The following MARCHF8 variants were observed in gnomAD, a reference collection of about 807,000 sequenced individuals.
The protein encoded by MARCHF8 is E3 ubiquitin-protein ligase MARCHF8.
In MARCHF8, 40 loss-of-function variants were observed where a neutral mutation model predicts 51.6. That is an observed-to-expected ratio of 0.77 (90% confidence interval 0.60 to 1.01). MARCHF8 has a LOEUF of 1.01. MARCHF8 is among the 50% of genes least tolerant of loss of function. MARCHF8 has a pLI of 0.00. For missense variants in MARCHF8, 685 were observed against 708.6 expected (o/e 0.97, Z 0.38); for synonymous variants, 263 against 280.3 (o/e 0.94, Z 0.62).
chr10:45,547,371 A>C (rs1384724055), intron 1 of MARCHF8, among the ~76,000 whole-genome samples: 2 of 152,156 alleles, frequency 1.3e-5, no homozygotes, highest in Admixed American at 1.3e-4. Flanking sequence ...TAGAGAAATT[A>C]ATCAACTTGC....
At position 45,464,244 on chromosome 10, in the gene MARCHF8, G is replaced by C; in HGVS notation, c.237C>G (p.Ile79Met). 1.2e-6 allele frequency: 2 copies of C among 1,614,092 alleles called. No homozygotes were observed. Among genetic ancestry groups the C allele is most frequent in the Non-Finnish European group, 1.7e-6 (2 of 1,179,938 alleles). Residue 79 changes from isoleucine to methionine, a missense_variant, in exon 4 of 8, where the codon ATC becomes ATG. Coordinates refer to ENST00000453424, the MANE Select transcript of MARCHF8 (RefSeq NM_001282866.2). ...RTSITPSSQDICSSSAVFSEC... is the reference protein window; with the variant it reads ...RTSITPSSQDMCSSSAVFSEC... The stretch of plus-strand genomic sequence containing the variant: ...CATCTGAAGCAGAGTGTTACCTGCA[G>C]ATGTCCTGGCTGGATGGCGTGATAG...
chr10:45,559,586 C>T (rs1027654716), intron 1 of MARCHF8, among the ~76,000 whole-genome samples: 2 of 152,168 alleles, frequency 1.3e-5, no homozygotes, highest in Non-Finnish European at 2.9e-5. Context: ...AATTCATACA[C>T]ATAAGAATTT....
At chr10:45,511,544 A>C (rs2043504974) in intron 2 of MARCHF8, among the ~76,000 whole-genome samples, 1 of 152,214 alleles carries the variant, frequency 6.6e-6, no homozygotes, top group South Asian at 2.1e-4. Flanking sequence ...AGTGCCTGCG[A>C]TTACAGGCGC....
chr10:45,462,907 T>A (rs1474518723), intron 5 of MARCHF8, among the ~76,000 whole-genome samples: 1 of 152,210 alleles, frequency 6.6e-6, no homozygotes, highest in African/African-American at 2.4e-5. Flanking sequence ...ATTACAGGCG[T>A]GAGCCACTGC....
intron 1 of MARCHF8, among the ~76,000 whole-genome samples, chr10:45,547,234 T>C (rs998601394): frequency 9.9e-5 from 15 of 152,162 alleles, no homozygotes; most frequent in African/African-American, 3.6e-4. Flanking sequence ...TGCCTGTCAA[T>C]AATAATGGAG....
chr10:45,591,028 G>A (rs1259856211), intron 1 of MARCHF8, among the ~76,000 whole-genome samples: 1 of 152,132 alleles, frequency 6.6e-6, no homozygotes, highest in Non-Finnish European at 1.5e-5. Context: ...AAGGTTCTTT[G>A]TAATTCTCCC....
upstream of MARCHF8, among the ~76,000 whole-genome samples, chr10:45,539,191 A>G (rs2044016665): frequency 6.6e-6 from 1 of 152,230 alleles, no homozygotes; most frequent in African/African-American, 2.4e-5. Context: ...ACTACATGGA[A>G]ACTGAACAAC....
intron 1 of MARCHF8, among the ~76,000 whole-genome samples, chr10:45,587,648 A>T (rs944077017): frequency 6.6e-6 from 1 of 152,188 alleles, no homozygotes; most frequent in East Asian, 1.9e-4. Context: ...AATAAGGAAC[A>T]AAGTTGGAGG....
At chr10:45,496,630 G>A (rs1206131226) in intron 2 of MARCHF8, among the ~76,000 whole-genome samples, 1 of 151,954 alleles carries the variant, frequency 6.6e-6, no homozygotes, top group Non-Finnish European at 1.5e-5. Context: ...ACTAATAACT[G>A]CTACAATGTA....
rs183824522 is a variant in MARCHF8, at chr10:45,561,183, T to C, written c.-78-27894A>G. ...CACAATAAAAAAATTACTATATACATAGAGAAGTAAATATGAGTGAGAGCA... is the reference window on the plus strand; with the variant it reads ...CACAATAAAAAAATTACTATATACACAGAGAAGTAAATATGAGTGAGAGCA... On this transcript the variant is annotated intron_variant, in intron 1 of 6. Coordinates refer to the MARCHF8 transcript ENST00000319836. Among the ~76,000 whole-genome samples, 261 of 151,586 alleles carry C rather than the reference T, an allele frequency of 1.7e-3. 1 individual carries two copies. Among genetic ancestry groups the C allele is most frequent in the African/African-American group, 4.7e-3 (193 of 41,382 alleles).
exon 1 of MARCHF8, chr10:45,594,334 T>G (rs2044712778): frequency 6.6e-6 from 1 of 152,262 alleles, no homozygotes; most frequent in South Asian, 2.1e-4. Flanking sequence ...GCTTCCATTT[T>G]ACAGATGTGC....
At chr10:45,462,923 G>A (rs1842839594) in intron 5 of MARCHF8, among the ~76,000 whole-genome samples, 1 of 152,190 alleles carries the variant, frequency 6.6e-6, no homozygotes, top group South Asian at 2.1e-4. Flanking sequence ...ACTGCGCCCA[G>A]CCAGCTTCTT....
chr10:45,578,865 C>T, intron 1 of MARCHF8, among the ~76,000 whole-genome samples: 1 of 152,202 alleles, frequency 6.6e-6, no homozygotes, highest in Non-Finnish European at 1.5e-5. Context: ...AATAACTGAT[C>T]TGTACTCTTC....
chr10:45,524,747 G>T (rs1026021280), intron 2 of MARCHF8, among the ~76,000 whole-genome samples: 3 of 152,082 alleles, frequency 2.0e-5, no homozygotes, highest in Non-Finnish European at 4.4e-5. Flanking sequence ...AAGTAAAAGT[G>T]TCAGTAAGAG....
At chr10:45,560,575 C>T (rs939638124) in intron 1 of MARCHF8, among the ~76,000 whole-genome samples, 1 of 152,214 alleles carries the variant, frequency 6.6e-6, no homozygotes, top group African/African-American at 2.4e-5. Flanking sequence ...CAGCTGCTGA[C>T]TCTTTACAGC....
intron 1 of MARCHF8, among the ~76,000 whole-genome samples, chr10:45,549,312 T>C (rs1425645316): frequency 1.3e-5 from 2 of 152,192 alleles, no homozygotes; most frequent in Admixed American, 1.3e-4. Flanking sequence ...CCCAAAACTT[T>C]GTTGCTTGAA....
intron 1 of MARCHF8, among the ~76,000 whole-genome samples, chr10:45,577,456 T>C (rs934847233): frequency 6.6e-6 from 1 of 152,214 alleles, no homozygotes; most frequent in Non-Finnish European, 1.5e-5. Context: ...ATTGCATGCC[T>C]GTATCAAAAT....
intron 6 of MARCHF8, among the ~76,000 whole-genome samples, chr10:45,460,035 G>C (rs973632947): frequency 1.3e-5 from 2 of 152,194 alleles, no homozygotes; most frequent in African/African-American, 2.4e-5. Flanking sequence ...CCCATGTTGA[G>C]AGATTAGCAT....
intron 3 of MARCHF8, among the ~76,000 whole-genome samples, chr10:45,475,243 G>A (rs1171794545): frequency 6.6e-6 from 1 of 152,226 alleles, no homozygotes; most frequent in Admixed American, 6.5e-5. Flanking sequence ...AGCAAAGTGT[G>A]CACTCCCTAG....
Sources: gnomAD v4.1 joint callset for allele counts (sites outside exome capture counted in the v4.1 genomes callset) on GRCh38, gnomAD v4.1.1 for gene constraint, MANE v1.5 for transcripts, NCBI Gene and HGNC (gene_info 2026-07-23, HGNC 2026-07-21) for gene names.